The following FRMPD4 variants were observed in gnomAD, a reference collection of about 807,000 sequenced individuals.
FRMPD4 encodes FERM and PDZ domain containing 4.
Under a neutral mutation model 94.1 loss-of-function variants are expected in FRMPD4, and 22 were observed. The ratio of observed to expected loss-of-function variants is 0.23; its 90% CI spans 0.17 to 0.33. The LOEUF (loss-of-function observed/expected upper bound fraction) is 0.33. FRMPD4 is among the 10% of genes least tolerant of loss of function. The probability of loss-of-function intolerance (pLI) is 1.00; values close to 1 mark genes in which losing one functional copy is unlikely to be tolerated. For missense variants in FRMPD4, 1,111 were observed against 1,339.9 expected, an observed-to-expected ratio of 0.83 and a Z score of 2.67; for synonymous variants, 631 against 548.6, an observed-to-expected ratio of 1.15 and a Z score of -2.10.
At chrX:12,429,016 A>G (rs1319273076) in intron 1 of FRMPD4, among the ~76,000 whole-genome samples, 1 of 111,955 alleles carries the variant, frequency 8.9e-6, no homozygotes, top group Admixed American at 9.5e-5. Flanking sequence ...GAAGACCCCA[A>G]ATATTACTAC....
chrX:12,566,404 A>G (rs1217581403), intron 2 of FRMPD4, among the ~76,000 whole-genome samples: 1 of 111,243 alleles, frequency 9.0e-6, no homozygotes, highest in Admixed American at 9.5e-5. Flanking sequence ...TCTGTATATC[A>G]TTTCTGATGT....
At chrX:12,426,070 CTT>C (rs1346890690) in intron 1 of FRMPD4, among the ~76,000 whole-genome samples, 1 of 112,241 alleles carries the variant, frequency 8.9e-6, no homozygotes, top group Non-Finnish European at 1.9e-5. Context: ...TCATGAATGT[CTT>C]ATGACTGTTA....
intron 1 of FRMPD4, among the ~76,000 whole-genome samples, chrX:12,161,028 A>G (rs1275688207): frequency 1.8e-5 from 2 of 111,676 alleles, no homozygotes; most frequent in Non-Finnish European, 3.8e-5. Flanking sequence ...TAGTTTCAGA[A>G]CGTATAATAT....
At chrX:12,550,879 T>C (rs1221361957) in intron 2 of FRMPD4, among the ~76,000 whole-genome samples, 1 of 109,903 alleles carries the variant, frequency 9.1e-6, no homozygotes, top group Non-Finnish European at 1.9e-5. Flanking sequence ...TGCATCCATA[T>C]TAATATATTC....
chrX:12,426,512 G>T (rs1268302399), intron 1 of FRMPD4, among the ~76,000 whole-genome samples: 2 of 111,624 alleles, frequency 1.8e-5, no homozygotes, highest in Non-Finnish European at 3.8e-5. Context: ...AGCTAATGTA[G>T]ACAATCTTGT....
At chrX:12,463,852 A>G (rs1017625425) in intron 1 of FRMPD4, among the ~76,000 whole-genome samples, 1 of 108,491 alleles carries the variant, frequency 9.2e-6, no homozygotes, top group Non-Finnish European at 1.9e-5. Context: ...AGGGACCTCA[A>G]CCCCCCTAGA....
At chrX:11,849,338 A>G (rs974996506) in intron 1 of FRMPD4, among the ~76,000 whole-genome samples, 45 of 112,028 alleles carry the variant, frequency 4.0e-4, no homozygotes, top group African/African-American at 1.4e-3. Context: ...TAAGATGTCA[A>G]TACTACCCAA....
intron 1 of FRMPD4, among the ~76,000 whole-genome samples, chrX:12,148,042 A>G (rs2055794311): frequency 8.9e-6 from 1 of 112,081 alleles, no homozygotes; most frequent in Non-Finnish European, 1.9e-5. Context: ...TCCTTGAGAC[A>G]TAACAATATT....
At chrX:12,322,913 GTTAA>G (rs1260960137) in intron 1 of FRMPD4, among the ~76,000 whole-genome samples, 1 of 111,457 alleles carries the variant, frequency 9.0e-6, no homozygotes, top group East Asian at 2.8e-4. Context: ...TAGAATTGAT[GTTAA>G]TTAATATTGA....
intron 2 of FRMPD4, among the ~76,000 whole-genome samples, chrX:12,547,777 A>G (rs1021433564): frequency 8.9e-6 from 1 of 112,420 alleles, no homozygotes; most frequent in Non-Finnish European, 1.9e-5. Flanking sequence ...CTTTTGCATT[A>G]ACAAACATCA....
chrX:12,342,779 A>C (rs769072563), intron 1 of FRMPD4, among the ~76,000 whole-genome samples: 3 of 112,233 alleles, frequency 2.7e-5, no homozygotes, highest in Non-Finnish European at 5.6e-5. Context: ...CATTTAGCGG[A>C]TCTTGATGTC....
intron 2 of FRMPD4, among the ~76,000 whole-genome samples, chrX:12,562,138 A>C (rs974653237): frequency 1.4e-4 from 16 of 112,395 alleles, no homozygotes; most frequent in African/African-American, 5.2e-4. Flanking sequence ...AGGCTTAAAA[A>C]CCTACATCCT....
At chrX:12,434,615 G>A (rs184509693) in intron 1 of FRMPD4, among the ~76,000 whole-genome samples, 62 of 112,458 alleles carry the variant, frequency 5.5e-4, no homozygotes, top group African/African-American at 2.0e-3. Context: ...TGTAAGCTTT[G>A]AATGCCATAC....
chrX:11,969,747 A>G (rs986308617), intron 3 of FRMPD4, among the ~76,000 whole-genome samples: 1 of 112,062 alleles, frequency 8.9e-6, no homozygotes, highest in African/African-American at 3.2e-5. Flanking sequence ...TGATTTTATA[A>G]AACATTGTTT....
chrX:12,472,266 A>T (rs780743328), intron 1 of FRMPD4, among the ~76,000 whole-genome samples: 2 of 112,395 alleles, frequency 1.8e-5, no homozygotes, highest in East Asian at 5.6e-4. Context: ...TAGGTTTGTG[A>T]CAAGTCCAGT....
chrX:12,300,681 G>A (rs995916165), intron 1 of FRMPD4, among the ~76,000 whole-genome samples: 1 of 112,180 alleles, frequency 8.9e-6, no homozygotes, highest in Admixed American at 9.4e-5. Context: ...ACAGATGCCA[G>A]AGAGCTGCAA....
At chrX:11,865,770 C>T (rs5979483) in intron 2 of FRMPD4, among the ~76,000 whole-genome samples, 3,842 of 111,690 alleles carry the variant, frequency 0.034, 91 homozygotes, top group African/African-American at 0.087. Context: ...AGAACTTTCA[C>T]ACACTTTGTT....
At chrX:11,943,546 C>A (rs1422317764) in intron 3 of FRMPD4, among the ~76,000 whole-genome samples, 3 of 110,263 alleles carry the variant, frequency 2.7e-5, no homozygotes, top group Non-Finnish European at 5.7e-5. Flanking sequence ...GCATGAGGGG[C>A]TGGGCTTGCT....
chrX:12,150,872 T>A (rs903092310), intron 1 of FRMPD4, among the ~76,000 whole-genome samples: 17 of 111,654 alleles, frequency 1.5e-4, no homozygotes, highest in Admixed American at 1.2e-3. Flanking sequence ...GGAGTTTTTT[T>A]ATACTTAATG....
Sources: allele counts gnomAD v4.1 joint callset (sites outside exome capture counted in the v4.1 genomes callset), GRCh38; gene constraint gnomAD v4.1.1; transcripts MANE v1.5; gene names NCBI Gene and HGNC (gene_info 2026-07-23, HGNC 2026-07-21).